PPHLN1: variants seen among roughly 807,000 people sequenced by gnomAD.
The protein encoded by PPHLN1 is periphilin-1.
Under a neutral mutation model 51.3 loss-of-function variants are expected in PPHLN1, and 29 were observed. The ratio of observed to expected loss-of-function variants is 0.57; its 90% CI spans 0.42 to 0.77. The LOEUF is 0.77. Ranked by LOEUF, PPHLN1 falls within the 30% of genes least tolerant of loss-of-function variation. The pLI is 0.00. For synonymous variants in PPHLN1, 147 were observed against 147.8 expected (o/e 0.99, Z 0.04); for missense variants, 436 against 438.4 (o/e 0.99, Z 0.05).
intron 9 of PPHLN1, among the ~76,000 whole-genome samples, chr12:42,418,480 T>C (rs530817348): frequency 1.6e-4 from 25 of 152,122 alleles, no homozygotes; most frequent in Non-Finnish European, 3.7e-4. Context: ...GTCTTCACCA[T>C]GGCTATAGAG....
chr12:42,340,164 C>T (rs1050927354), intron 2 of PPHLN1, among the ~76,000 whole-genome samples: 46 of 151,818 alleles, frequency 3.0e-4, no homozygotes, highest in African/African-American at 1.1e-3. Flanking sequence ...AAAAATTAGC[C>T]ATGCATAGTA....
At chr12:42,329,226 C>A (rs1330652495) in intron 1 of PPHLN1, among the ~76,000 whole-genome samples, 1 of 151,842 alleles carries the variant, frequency 6.6e-6, no homozygotes, top group South Asian at 2.1e-4. Context: ...CTCAGCCTTC[C>A]GAGTAGCTGG....
chr12:42,386,057 TAA>T (rs1357558493), intron 6 of PPHLN1, among the ~76,000 whole-genome samples: 5 of 152,234 alleles, frequency 3.3e-5, no homozygotes, highest in Admixed American at 2.0e-4. Context: ...TACCACAAGT[TAA>T]AAGACTCTAG....
intron 7 of PPHLN1, among the ~76,000 whole-genome samples, chr12:42,391,251 A>G (rs2077679941): frequency 6.6e-6 from 1 of 152,082 alleles, no homozygotes; most frequent in Non-Finnish European, 1.5e-5. Flanking sequence ...ATTCTTTTTG[A>G]AGGGCAGAAC....
At chr12:42,352,684 T>C (rs11181454) in intron 3 of PPHLN1, among the ~76,000 whole-genome samples, 93,251 of 151,712 alleles carry the variant, frequency 0.61, 28,869 homozygotes, top group Admixed American at 0.69. Context: ...AGGCCCACCT[T>C]GGCCTCCCAA....
intron 8 of PPHLN1, among the ~76,000 whole-genome samples, chr12:42,395,300 TG>T (rs1373230406): frequency 4.6e-5 from 7 of 152,110 alleles, no homozygotes; most frequent in African/African-American, 1.7e-4. Flanking sequence ...AGGCAAGATA[TG>T]TGAGAGTAGC....
chr12:42,366,479 C>A (rs1023084669), intron 4 of PPHLN1, among the ~76,000 whole-genome samples: 3 of 151,990 alleles, frequency 2.0e-5, no homozygotes, highest in Non-Finnish European at 4.4e-5. Flanking sequence ...CTGCCCTCCT[C>A]GGCTCCCAAA....
chr12:42,397,598 T>A (rs1366865710), intron 8 of PPHLN1, among the ~76,000 whole-genome samples: 2 of 151,290 alleles, frequency 1.3e-5, no homozygotes. Flanking sequence ...TGTCTTAGTT[T>A]TGTGTTGCAG....
chr12:42,376,567 A>G (rs979635123), intron 5 of PPHLN1, among the ~76,000 whole-genome samples: 1 of 152,208 alleles, frequency 6.6e-6, no homozygotes, highest in African/African-American at 2.4e-5. Flanking sequence ...TGGAAAGATT[A>G]CTCGAGCCCA....
chr12:42,445,431 G>A (rs1413002183), downstream of PPHLN1: 1 of 314,752 alleles, frequency 3.2e-6, no homozygotes, highest in African/African-American at 2.2e-5. Flanking sequence ...GCAAACAGAT[G>A]TTACACATGT....
At chr12:42,389,849 A>G (rs1217349121) in intron 7 of PPHLN1, among the ~76,000 whole-genome samples, 2 of 150,216 alleles carry the variant, frequency 1.3e-5, no homozygotes, top group East Asian at 3.9e-4. Context: ...TAGTAGGTAC[A>G]TATCTCTATT....
At chr12:42,423,533 G>A (rs923537835) in intron 9 of PPHLN1, among the ~76,000 whole-genome samples, 2 of 152,144 alleles carry the variant, frequency 1.3e-5, no homozygotes, top group African/African-American at 2.4e-5. Flanking sequence ...GTATGATTAA[G>A]TAGACTGATA....
At chr12:42,386,440 C>G (rs1179374834) in intron 6 of PPHLN1, among the ~76,000 whole-genome samples, 1 of 152,192 alleles carries the variant, frequency 6.6e-6, no homozygotes, top group Non-Finnish European at 1.5e-5. Flanking sequence ...CCTTATTTAT[C>G]TATCTTGGCT....
rs143143335 is a variant in PPHLN1 at position 42,378,015 on chromosome 12, A to G, written c.511+2941A>G. Among the ~76,000 whole-genome samples the G allele has an allele frequency of 8.6e-3, 1,314 of 152,328 alleles. 4 individuals carry two copies. The highest frequency in any genetic ancestry group is 0.012 in the Non-Finnish European group (814 of 68,034). ...AATTTAAAAATAAAGTTGGTAGACT[A>G]AAATATGGGGTAAATTGAATGAAAC... On this transcript the variant is annotated intron_variant, in intron 5 of 9. Transcript: ENST00000358314.
chr12:42,405,195 G>A (rs967912363), intron 9 of PPHLN1, among the ~76,000 whole-genome samples: 16 of 151,932 alleles, frequency 1.1e-4, no homozygotes, highest in African/African-American at 2.4e-4. Context: ...ATTCTCTACC[G>A]TCCTTTTCCT....
At position 42,398,083 on chromosome 12, in the gene PPHLN1, T is replaced by C. The variant is rs1381564008; in HGVS notation, c.769-771T>C. ...GCTACTTCTTCTAAGTTGTTACTAT[T>C]GAGACAACTCCTTTGATAATTTTTT... On this transcript the variant is annotated intron_variant, in intron 8 of 9. Transcript: ENST00000358314. Among the ~76,000 whole-genome samples, 4 of 152,184 alleles carry C rather than the reference T, an allele frequency of 2.6e-5. No homozygotes were observed. The East Asian group carries it at 7.7e-4, about 29-fold the overall frequency.
chr12:42,390,533 T>A (rs2077594995), intron 7 of PPHLN1, among the ~76,000 whole-genome samples: 1 of 152,196 alleles, frequency 6.6e-6, no homozygotes, highest in East Asian at 1.9e-4. Context: ...AAAACAACCA[T>A]GTTGAATTTT....
downstream of PPHLN1, chr12:42,444,250 ATAAT>A (rs1018788994): frequency 6.6e-6 from 1 of 151,944 alleles, no homozygotes; most frequent in African/African-American, 2.4e-5. Context: ...CATACCTTAA[ATAAT>A]TATCAAAAAT....
chr12:42,381,362 A>G (rs766773880), intron 5 of PPHLN1, among the ~76,000 whole-genome samples: 31 of 152,234 alleles, frequency 2.0e-4, no homozygotes, highest in Non-Finnish European at 3.2e-4. Flanking sequence ...AGGACTTAGT[A>G]TATTCTGTCA....
Sources: allele counts gnomAD v4.1 joint callset (sites outside exome capture counted in the v4.1 genomes callset), GRCh38; gene constraint gnomAD v4.1.1; transcripts MANE v1.5; gene names NCBI Gene and HGNC (gene_info 2026-07-23, HGNC 2026-07-21).